DSG4: variants seen among roughly 807,000 people sequenced by gnomAD.
DSG4 encodes the protein desmoglein 4, also known as desmoglein-4.
In DSG4, 87 loss-of-function variants were observed where a neutral mutation model predicts 93.1. The observed-to-expected ratio is 0.93, with a 90% CI of 0.79 to 1.12. The LOEUF (loss-of-function observed/expected upper bound fraction) is 1.12. Ranked by LOEUF, DSG4 falls within the 50% of genes most tolerant of loss-of-function variation. DSG4 has a pLI of 0.00. For missense variants in DSG4, 1,373 were observed against 1,285.7 expected (o/e 1.07, Z -1.04); for synonymous variants, 432 against 452.9 (o/e 0.95, Z 0.59).
At chr18:31,401,125 G>A in intron 10 of DSG4, 105 bp downstream of exon 10, 2 of 1,004,098 alleles carry the variant, frequency 2.0e-6, no homozygotes, top group Non-Finnish European at 2.9e-6. Flanking sequence ...TTTTAATGGT[G>A]TATGCAAGAC....
intron 10 of DSG4, 100 bp downstream of exon 10, chr18:31,401,120 A>G (rs2072361554): frequency 1.9e-6 from 2 of 1,057,548 alleles, no homozygotes; most frequent in Non-Finnish European, 1.3e-6. Flanking sequence ...GACATTTTTA[A>G]TGGTGTATGC....
In DSG4 at chr18:31,400,943, A is replaced by C. The variant is rs756584155; in HGVS notation, c.1340A>C (p.Gln447Pro). The change falls in exon 10 of 16, where the codon CAA (glutamine) becomes CCA (proline). Residue 447 changes from glutamine (Q) to proline (P), a missense_variant. Gln to Pro is a moderately conservative substitution (Grantham distance 76). Transcript: ENST00000308128. The stretch of plus-strand genomic sequence containing the variant: ...ATTGATTCAAGAACTGGTGAGATAC[A>C]ATTTTCTAGAGAATTTGATAAGAAG... ...LKIDSRTGEI[Q>P]FSREFDKKSK... is the part of the protein sequence containing the mutation. 1 of 1,612,544 alleles carries C rather than the reference A, an allele frequency of 6.2e-7. No homozygotes were observed. Among genetic ancestry groups the C allele is most frequent in the Non-Finnish European group, 8.5e-7 (1 of 1,179,028 alleles).
chr18:31,385,169 G>A lies in DSG4; in HGVS notation c.82G>A (p.Glu28Lys), dbSNP rs756862725. ...GGAAGTAAACAGTGAATTTATTGTT[G>A]AGGTAATGTAAAATAAAATTATTTT... ...VMEVNSEFIVEVKEFDIENGT... is the reference protein window; with the variant it reads ...VMEVNSEFIVKVKEFDIENGT... Residue 28 changes from glutamate to lysine, a missense_variant and splice_region_variant, in exon 2 of 16, where the codon GAG becomes AAG. Physicochemically the swap from Glu to Lys is moderately conservative, Grantham distance 56. Transcript: ENST00000308128. The A allele has an allele frequency of 6.3e-7, 1 of 1,582,444 alleles. No homozygotes were observed. The highest frequency in any genetic ancestry group is 8.6e-7 in the Non-Finnish European group (1 of 1,159,078).
chr18:31,396,354 CTTTTTTTTT>C (rs71383035), intron 8 of DSG4, among the ~76,000 whole-genome samples: 55 of 74,008 alleles, frequency 7.4e-4, no homozygotes, highest in Middle Eastern at 0.01. Flanking sequence ...AGGGTCATTG[CTTTTTTTTT>C]TTTTTTTTTT....
Position 31,411,332 on chromosome 18 carries a change from G to T in DSG4, c.2239G>T (p.Ala747Ser). The T allele has an allele frequency of 2.5e-6, 4 of 1,611,148 alleles. No individual in the cohort carries two copies. In the South Asian group the frequency reaches 4.4e-5, roughly 18 times the overall value. Residue 747 changes from alanine (A) to serine (S), a missense_variant, in exon 15 of 16, where the codon GCA (alanine) becomes TCA (serine). Physicochemically the swap from Ala to Ser is moderately conservative, Grantham distance 99. Transcript: ENST00000308128. ...GGGGACAGCCGTTGGCCTCATGGCC[G>T]CAGGGGCCGCAGGAGCCTCAGGGGC... ...GMGTAVGLMA[A>S]GAAGASGAAR...
In DSG4 at chr18:31,376,937, T is replaced by C; in HGVS notation, c.26T>C (p.Ile9Thr). 5.0e-6 allele frequency: 8 copies of C among 1,613,584 alleles called. No homozygotes were observed. The highest frequency in any genetic ancestry group is 6.8e-6 in the Non-Finnish European group (8 of 1,179,696). Residue 9 changes from isoleucine to threonine, a missense_variant, in exon 1 of 16, where the codon ATT becomes ACT. Coordinates refer to ENST00000308128, the MANE Select transcript of DSG4 (RefSeq NM_177986.5). ...ATGGATTGGCTCTTCTTCAGAAACATTTGCCTTTTGATCATTCTAATGGTA... is the reference window on the plus strand; with the variant it reads ...ATGGATTGGCTCTTCTTCAGAAACACTTGCCTTTTGATCATTCTAATGGTA... MDWLFFRN[I>T]CLLIILMVVM...
intron 14 of DSG4, among the ~76,000 whole-genome samples, chr18:31,410,418 TACAC>T (rs755594038): frequency 6.6e-6 from 1 of 151,642 alleles, no homozygotes; most frequent in Non-Finnish European, 1.5e-5. Context: ...TCTATATATA[TACAC>T]ACACACATAT....
chr18:31,381,678 G>C (rs1416291863), intron 1 of DSG4, among the ~76,000 whole-genome samples: 1 of 149,760 alleles, frequency 6.7e-6, no homozygotes, highest in South Asian at 2.1e-4. Context: ...TTTCTTTTTT[G>C]AGTTGGAGTC....
intron 2 of DSG4, 71 bp downstream of exon 2, chr18:31,385,242 A>T: frequency 1.8e-6 from 2 of 1,085,922 alleles, no homozygotes; most frequent in Non-Finnish European, 2.7e-6. Context: ...TGTATTATAT[A>T]TAAAAATCAG....
chr18:31,385,000 C>A, intron 1 of DSG4, 136 bp from the exon 2 acceptor site: 1 of 783,486 alleles, frequency 1.3e-6, no homozygotes, highest in Middle Eastern at 3.4e-4. Context: ...TTTGTGTTAG[C>A]CATGTTTATT....
intron 3 of DSG4, among the ~76,000 whole-genome samples, chr18:31,387,627 T>C (rs1232480741): frequency 6.6e-6 from 1 of 152,178 alleles, no homozygotes; most frequent in East Asian, 1.9e-4. Flanking sequence ...TCTTGAGTTT[T>C]CTTCTATGTA....
At chr18:31,382,640 G>A (rs749545327) in intron 1 of DSG4, among the ~76,000 whole-genome samples, 1 of 152,082 alleles carries the variant, frequency 6.6e-6, no homozygotes, top group Non-Finnish European at 1.5e-5. Flanking sequence ...TGATTTCATA[G>A]GGCCTGGGAG....
intron 4 of DSG4, 117 bp from the exon 5 acceptor site, chr18:31,388,757 C>T (rs984932594): frequency 1.2e-5 from 18 of 1,475,612 alleles, no homozygotes; most frequent in Non-Finnish European, 1.6e-5. Context: ...TTTGACTGTA[C>T]TACAGTCTGA....
At chr18:31,387,161 G>C (rs1411608423) in intron 3 of DSG4, among the ~76,000 whole-genome samples, 1 of 152,120 alleles carries the variant, frequency 6.6e-6, no homozygotes, top group Non-Finnish European at 1.5e-5. Context: ...GTCAAGCCAA[G>C]TTTACTGCAC....
At chr18:31,391,649 T>C (rs2072250512) in intron 7 of DSG4, among the ~76,000 whole-genome samples, 1 of 151,866 alleles carries the variant, frequency 6.6e-6, no homozygotes, top group African/African-American at 2.4e-5. Flanking sequence ...TCTGGCTTGC[T>C]GTCTGTTTCG....
chr18:31,391,748 G>T (rs181559274), intron 7 of DSG4, among the ~76,000 whole-genome samples: 2 of 151,956 alleles, frequency 1.3e-5, no homozygotes, highest in Non-Finnish European at 2.9e-5. Context: ...GTCTATGGGG[G>T]CTTTGTGCTG....
chr18:31,399,617 T>C, intron 9 of DSG4, 74 bp downstream of exon 9: 1 of 1,593,394 alleles, frequency 6.3e-7, no homozygotes, highest in Non-Finnish European at 8.6e-7. Flanking sequence ...TAATATATGT[T>C]GGTTGTAATA....
intron 11 of DSG4, among the ~76,000 whole-genome samples, chr18:31,404,532 G>A (rs930140682): frequency 9.2e-5 from 14 of 152,166 alleles, no homozygotes; most frequent in African/African-American, 2.4e-4. Context: ...TGGGCTAGTC[G>A]GTGGCCATCA....
chr18:31,410,063 C>T (rs757109137), intron 14 of DSG4, among the ~76,000 whole-genome samples: 2 of 152,150 alleles, frequency 1.3e-5, no homozygotes, highest in East Asian at 1.9e-4. Flanking sequence ...AGCTCTGCCA[C>T]TTGCTTAAGG....
Sources: gnomAD v4.1 joint callset for allele counts (sites outside exome capture counted in the v4.1 genomes callset) on GRCh38, gnomAD v4.1.1 for gene constraint, MANE v1.5 for transcripts, NCBI Gene and HGNC (gene_info 2026-07-23, HGNC 2026-07-21) for gene names.